GRIP1: variants seen among roughly 807,000 people sequenced by gnomAD.
GRIP1 encodes glutamate receptor-interacting protein 1.
In GRIP1, 45 loss-of-function variants were observed where a neutral mutation model predicts 129.9. The observed-to-expected ratio is 0.35, with a 90% CI of 0.27 to 0.44. GRIP1 has a LOEUF of 0.44. Ranked by LOEUF, GRIP1 falls within the 20% of genes least tolerant of loss-of-function variation. The pLI is 1.00. For synonymous variants in GRIP1, 530 were observed against 520.8 expected (o/e 1.02, Z -0.24); for missense variants, 1,196 against 1,396.8 (o/e 0.86, Z 2.29).
chr12:66,745,148 A>G (rs2036906083), intron 1 of GRIP1, among the ~76,000 whole-genome samples: 1 of 152,182 alleles, frequency 6.6e-6, no homozygotes, highest in Admixed American at 6.6e-5. Context: ...AATTACCTCA[A>G]TAGGATGTCA....
Position 66,349,015 on chromosome 12 carries a change from G to A in GRIP1, c.*4C>T, listed in dbSNP as rs367666328. ...TCTTTTGTCCTGCTTTATAAAAAGC[G>A]TTGCTATAATGTATTAGTGGGTTCT... On this transcript the variant is annotated 3_prime_UTR_variant, in exon 25 of 25. Transcript: ENST00000359742. 113 of 1,579,890 alleles carry A rather than the reference G, an allele frequency of 7.2e-5. No homozygotes were observed. Among genetic ancestry groups the A allele is most frequent in the African/African-American group, 1.8e-4 (13 of 74,272 alleles).
At chr12:66,488,544 C>G (rs908704872) in intron 7 of GRIP1, among the ~76,000 whole-genome samples, 1 of 152,010 alleles carries the variant, frequency 6.6e-6, no homozygotes, top group African/African-American at 2.4e-5. Flanking sequence ...AGTTAACAAC[C>G]TAACATCACA....
intron 2 of GRIP1, among the ~76,000 whole-genome samples, chr12:66,579,702 A>G (rs1402475385): frequency 6.6e-6 from 1 of 152,138 alleles, no homozygotes; most frequent in Non-Finnish European, 1.5e-5. Flanking sequence ...AGGGAAGTTT[A>G]GAGAAAAAAG....
At chr12:66,768,960 C>A (rs1048519548) in intron 1 of GRIP1, among the ~76,000 whole-genome samples, 5 of 152,190 alleles carry the variant, frequency 3.3e-5, no homozygotes, top group Admixed American at 3.3e-4. Context: ...TGCAGCCACT[C>A]TTGAGAACCA....
chr12:66,696,778 C>T (rs2035176466), intron 1 of GRIP1, among the ~76,000 whole-genome samples: 1 of 138,038 alleles, frequency 7.2e-6, no homozygotes, highest in Non-Finnish European at 1.5e-5. Flanking sequence ...GCACTCCAGC[C>T]TGGGTGACAG....
intron 1 of GRIP1, among the ~76,000 whole-genome samples, chr12:66,769,086 C>G (rs1367300302): frequency 2.6e-5 from 4 of 152,152 alleles, no homozygotes; most frequent in Non-Finnish European, 5.9e-5. Flanking sequence ...GGCCCCACCC[C>G]CAGAGTTTCT....
At chr12:66,396,376 C>A (rs1416318927) in intron 16 of GRIP1, among the ~76,000 whole-genome samples, 1 of 152,140 alleles carries the variant, frequency 6.6e-6, no homozygotes. Flanking sequence ...AAAACAAACA[C>A]TGGACTATGG....
intron 1 of GRIP1, among the ~76,000 whole-genome samples, chr12:67,041,781 AC>A (rs1330448745): frequency 9.2e-5 from 14 of 151,832 alleles, no homozygotes; most frequent in African/African-American, 2.9e-4. Flanking sequence ...AAAAAAAAAA[AC>A]AACCCTGTAA....
At chr12:67,015,478 T>G (rs1440652140) in intron 1 of GRIP1, among the ~76,000 whole-genome samples, 3 of 152,202 alleles carry the variant, frequency 2.0e-5, no homozygotes, top group Non-Finnish European at 4.4e-5. Flanking sequence ...GACTGGCATC[T>G]TCACTACAAC....
intron 2 of GRIP1, among the ~76,000 whole-genome samples, chr12:66,569,730 C>T (rs1184392535): frequency 6.6e-6 from 1 of 152,142 alleles, no homozygotes; most frequent in Non-Finnish European, 1.5e-5. Flanking sequence ...CTCTGTGCCT[C>T]CAGGATAGAG....
chr12:66,575,371 T>C (rs748574966), intron 2 of GRIP1, among the ~76,000 whole-genome samples: 1 of 152,236 alleles, frequency 6.6e-6, no homozygotes, highest in Non-Finnish European at 1.5e-5. Context: ...AAAATATTTT[T>C]ATTGATGATA....
rs1286613174 is a variant in GRIP1 at position 66,513,147 on chromosome 12, G to T, written c.724+2472C>A. ...TACCTCTGGTTCCATATGGACAGTG[G>T]TCTGTTTCAGGCATTTTATCCTCTT... On this transcript the variant is annotated intron_variant, in intron 7 of 24. Transcript: ENST00000359742. 3.3e-5 allele frequency among the ~76,000 whole-genome samples: 5 copies of T among 152,148 alleles called. No individual in the cohort carries two copies. In the East Asian group the frequency reaches 9.7e-4, roughly 29 times the overall value.
intron 1 of GRIP1, among the ~76,000 whole-genome samples, chr12:66,994,903 GA>G (rs1227213538): frequency 6.6e-6 from 1 of 151,766 alleles, no homozygotes; most frequent in Non-Finnish European, 1.5e-5. Context: ...TCAAAACAAA[GA>G]AAAAAGTTGA....
intron 2 of GRIP1, among the ~76,000 whole-genome samples, chr12:66,592,256 A>T (rs1486578697): frequency 6.6e-6 from 1 of 152,136 alleles, no homozygotes; most frequent in African/African-American, 2.4e-5. Flanking sequence ...AATTTCCTGG[A>T]TGCATTCTAA....
At chr12:67,068,988 G>T in intron 1 of GRIP1, 1 of 784,710 alleles carries the variant, frequency 1.3e-6, no homozygotes, top group Non-Finnish European at 1.5e-6. Context: ...GGGAGAGGGA[G>T]GCACCGGGCG....
At chr12:66,704,872 C>A (rs1374963441) in intron 1 of GRIP1, among the ~76,000 whole-genome samples, 1 of 152,058 alleles carries the variant, frequency 6.6e-6, no homozygotes, top group Non-Finnish European at 1.5e-5. Flanking sequence ...TGTCTCTGAA[C>A]CTTGATTGCA....
At chr12:66,659,812 G>A (rs944099869) in intron 1 of GRIP1, among the ~76,000 whole-genome samples, 2 of 152,054 alleles carry the variant, frequency 1.3e-5, no homozygotes, top group African/African-American at 2.4e-5. Context: ...GTGACTTGTT[G>A]CCATGCAATT....
intron 1 of GRIP1, among the ~76,000 whole-genome samples, chr12:66,917,823 T>C (rs2041149912): frequency 6.6e-6 from 1 of 152,178 alleles, no homozygotes; most frequent in Non-Finnish European, 1.5e-5. Context: ...ATGTTCCCTC[T>C]AGTGTTCATA....
chr12:66,571,131 T>C (rs562914076), intron 2 of GRIP1: 4 of 152,354 alleles, frequency 2.6e-5, no homozygotes, highest in Admixed American at 2.0e-4. Context: ...TGAATTCTAA[T>C]TGCAAGTTCT....
Sources: gnomAD v4.1 joint callset for allele counts (sites outside exome capture counted in the v4.1 genomes callset) on GRCh38, gnomAD v4.1.1 for gene constraint, MANE v1.5 for transcripts, NCBI Gene and HGNC (gene_info 2026-07-23, HGNC 2026-07-21) for gene names.